Variants in FER1L6 observed in about 807,000 individuals in gnomAD.
FER1L6 encodes the protein fer-1 like family member 6.
Under a neutral mutation model 219.2 loss-of-function variants are expected in FER1L6, and 177 were observed. The observed-to-expected ratio is 0.81, with a 90% CI of 0.71 to 0.91. The LOEUF is 0.91. Ranked by LOEUF, FER1L6 falls within the 40% of genes least tolerant of loss-of-function variation. FER1L6 has a pLI of 0.00. For synonymous variants in FER1L6, 768 were observed against 824.3 expected, an observed-to-expected ratio of 0.93 and a Z score of 1.17; for missense variants, 2,153 against 2,259.9, an observed-to-expected ratio of 0.95 and a Z score of 0.96.
intron 1 of FER1L6, among the ~76,000 whole-genome samples, chr8:123,955,342 G>C (rs140896134): frequency 3.2e-4 from 49 of 152,334 alleles, no homozygotes; most frequent in African/African-American, 1.2e-3. Flanking sequence ...AACAATAATA[G>C]CAGTGGACCT....
At chr8:124,021,867 C>T (rs1290383023) in intron 17 of FER1L6, among the ~76,000 whole-genome samples, 198 bp downstream of exon 17, 4 of 149,966 alleles carry the variant, frequency 2.7e-5, no homozygotes, top group African/African-American at 7.4e-5. Flanking sequence ...TTTTTTTTCA[C>T]AAAGCCTGAA....
rs756675804 is a variant in FER1L6, at chr8:124,119,823, A to G, written c.*33A>G. 51 of 1,603,758 alleles carry G rather than the reference A, an allele frequency of 3.2e-5. No homozygotes were observed. Among genetic ancestry groups the G allele is most frequent in the Non-Finnish European group, 3.9e-5 (46 of 1,175,010 alleles). ...TGGAGGACCCAGATCCTCGCCATATACTAATCCTCTCTTCCTTATCTGGGA... is the reference window on the plus strand; with the variant it reads ...TGGAGGACCCAGATCCTCGCCATATGCTAATCCTCTCTTCCTTATCTGGGA... On this transcript the variant is annotated 3_prime_UTR_variant, in exon 41 of 41. Coordinates refer to ENST00000522917, the MANE Select transcript of FER1L6 (RefSeq NM_001039112.2).
intron 1 of FER1L6, among the ~76,000 whole-genome samples, chr8:123,951,668 A>G (rs931508116): frequency 6.6e-6 from 1 of 152,256 alleles, no homozygotes; most frequent in African/African-American, 2.4e-5. Flanking sequence ...ACCTCATTAC[A>G]TACAAATTTA....
rs74751909 is a variant in FER1L6 at position 123,926,356 on chromosome 8, G to A, written c.-7-29636G>A. On this transcript the variant is annotated intron_variant, in intron 1 of 40. Coordinates refer to ENST00000522917, the MANE Select transcript of FER1L6 (RefSeq NM_001039112.2). ...ATTCTGGGACAAAGACTATGTCCAC[G>A]TGGCCTGGAAGTAGGTGGCCCATGC... 2.9e-3 allele frequency among the ~76,000 whole-genome samples: 442 copies of A among 152,318 alleles called. 4 individuals carry two copies. Among genetic ancestry groups the A allele is most frequent in the African/African-American group, 0.01 (434 of 41,568 alleles).
chr8:123,894,035 T>C (rs1451091817), intron 1 of FER1L6, among the ~76,000 whole-genome samples: 1 of 152,036 alleles, frequency 6.6e-6, no homozygotes, highest in Non-Finnish European at 1.5e-5. Context: ...ACTTGATAAA[T>C]AGAAAAGGGG....
At chr8:124,061,127 ATACTG>A (rs2130827256) in intron 24 of FER1L6, among the ~76,000 whole-genome samples, 1 of 152,326 alleles carries the variant, frequency 6.6e-6, no homozygotes, top group East Asian at 1.9e-4. Flanking sequence ...GGCCTAGAAA[ATACTG>A]TAATAAGATT....
At chr8:123,883,091 A>C (rs542212970) in intron 1 of FER1L6, among the ~76,000 whole-genome samples, 1 of 152,346 alleles carries the variant, frequency 6.6e-6, no homozygotes, top group East Asian at 1.9e-4. Flanking sequence ...TACAACAAAA[A>C]AACCCTTAAA....
At chr8:123,875,134 G>T (rs982568899) in intron 1 of FER1L6, among the ~76,000 whole-genome samples, 1 of 152,162 alleles carries the variant, frequency 6.6e-6, no homozygotes, top group Non-Finnish European at 1.5e-5. Flanking sequence ...GGTGGAGGTT[G>T]CAGTGAGCCA....
intron 1 of FER1L6, among the ~76,000 whole-genome samples, chr8:123,952,795 T>G (rs901616984): frequency 2.0e-5 from 3 of 152,230 alleles, no homozygotes; most frequent in African/African-American, 7.2e-5. Context: ...ATGATGCTCC[T>G]GGCACATAGT....
chr8:123,928,144 A>T (rs1325993484), intron 1 of FER1L6, among the ~76,000 whole-genome samples: 1 of 152,250 alleles, frequency 6.6e-6, no homozygotes. Context: ...TGCATACAAA[A>T]GTAACATAGA....
At chr8:124,012,545 G>A (rs1382048965) in intron 14 of FER1L6, among the ~76,000 whole-genome samples, 1 of 152,192 alleles carries the variant, frequency 6.6e-6, no homozygotes, top group Non-Finnish European at 1.5e-5. Context: ...ACCAAGCACT[G>A]TTTGAAGATA....
intron 2 of FER1L6, among the ~76,000 whole-genome samples, chr8:123,956,828 C>T (rs184921141): frequency 7.9e-5 from 12 of 152,156 alleles, no homozygotes; most frequent in Admixed American, 7.9e-4. Context: ...GGATGTAAAT[C>T]CAGGCTGTCT....
At position 123,976,100 on chromosome 8, in the gene FER1L6, C is replaced by G. The variant is rs1816061015; in HGVS notation, c.870+16C>G. On this transcript the variant is annotated intron_variant, in intron 9 of 40. Coordinates refer to ENST00000522917, the MANE Select transcript of FER1L6 (RefSeq NM_001039112.2). Reference sequence around the variant, plus strand: ...TGGGCAGATGGTGAGGAACCATTGTCACTAACACTGCCTGCTAGGCCAGGG... The same window carrying G: ...TGGGCAGATGGTGAGGAACCATTGTGACTAACACTGCCTGCTAGGCCAGGG... 6.3e-7 allele frequency: 1 copy of G among 1,588,670 alleles called. No homozygotes were observed. The highest frequency in any genetic ancestry group is 8.6e-7 in the Non-Finnish European group (1 of 1,162,618).
chr8:123,990,738 T>C (rs190281841), intron 12 of FER1L6, among the ~76,000 whole-genome samples: 9 of 152,274 alleles, frequency 5.9e-5, no homozygotes, highest in Admixed American at 4.6e-4. Context: ...CCCACTTATT[T>C]ATGTTGGTTT....
At chr8:124,008,645 T>TAA (rs1416244510) in intron 13 of FER1L6, among the ~76,000 whole-genome samples, 2 of 152,140 alleles carry the variant, frequency 1.3e-5, no homozygotes, top group Non-Finnish European at 2.9e-5. Flanking sequence ...GGGATTTAAT[T>TAA]AAACTAAAGA....
chr8:123,991,044 T>C (rs984045428), intron 12 of FER1L6, among the ~76,000 whole-genome samples: 1 of 152,210 alleles, frequency 6.6e-6, no homozygotes, highest in Non-Finnish European at 1.5e-5. Context: ...ATTTCTGGGT[T>C]CTCTGTTCTG....
intron 1 of FER1L6, among the ~76,000 whole-genome samples, chr8:123,919,760 A>G (rs1813303378): frequency 6.6e-6 from 1 of 152,330 alleles, no homozygotes; most frequent in South Asian, 2.1e-4. Context: ...TCTAAAGCAC[A>G]GGGATGCTCA....
At chr8:123,883,746 G>T (rs150824653) in intron 1 of FER1L6, among the ~76,000 whole-genome samples, 2 of 152,124 alleles carry the variant, frequency 1.3e-5, no homozygotes, top group African/African-American at 4.8e-5. Context: ...TTCTTGCTGC[G>T]TCCTCCAGAG....
In FER1L6 at chr8:123,938,209, T is replaced by C. The variant is rs140364854; in HGVS notation, c.-7-17783T>C. On this transcript the variant is annotated intron_variant, in intron 1 of 40. Transcript: ENST00000522917. ...GGTGACCCTTGTTTGCTCTTTCAGATAACTCTCACCTAACTATGTTTACAC... is the reference window on the plus strand; with the variant it reads ...GGTGACCCTTGTTTGCTCTTTCAGACAACTCTCACCTAACTATGTTTACAC... 4.3e-3 allele frequency among the ~76,000 whole-genome samples: 656 copies of C among 152,302 alleles called. 7 individuals carry two copies. The highest frequency in any genetic ancestry group is 0.015 in the African/African-American group (615 of 41,542).
Sources: gnomAD v4.1 joint callset for allele counts (sites outside exome capture counted in the v4.1 genomes callset) on GRCh38, gnomAD v4.1.1 for gene constraint, MANE v1.5 for transcripts, NCBI Gene and HGNC (gene_info 2026-07-23, HGNC 2026-07-21) for gene names.